ZNF639: variants seen among roughly 807,000 people sequenced by gnomAD.
ZNF639 encodes the protein zinc finger amplified in esophageal squamous cell carcinomas 1.
In ZNF639, 20 loss-of-function variants were observed where a neutral mutation model predicts 39.8. The observed-to-expected ratio is 0.50, with a 90% CI of 0.35 to 0.73. ZNF639 has a LOEUF of 0.73. Ranked by LOEUF, ZNF639 falls within the 30% of genes least tolerant of loss-of-function variation. The pLI, the probability that ZNF639 is intolerant of heterozygous loss-of-function variation, is 0.00. For missense variants in ZNF639, 477 were observed against 566.2 expected, an observed-to-expected ratio of 0.84 and a Z score of 1.60; for synonymous variants, 176 against 189.8, an observed-to-expected ratio of 0.93 and a Z score of 0.60.
In ZNF639 at chr3:179,334,101, T is replaced by C; in HGVS notation, c.1137T>C (p.Cys379=). The C allele has an allele frequency of 6.2e-7, 1 of 1,613,912 alleles. No individual in the cohort carries two copies. The highest frequency in any genetic ancestry group is 1.3e-5 in the African/African-American group (1 of 75,046). The part of the protein sequence containing the change: ...KCKNFFVCQV[C]GFRSRLHTNV... ...AAAACTTCTTTGTATGTCAAGTATG[T>C]GGTTTTCGGAGTAGACTTCACACAA... is the stretch of plus-strand genomic sequence containing the variant. Residue 379 remains cysteine (C), a synonymous_variant, in exon 6 of 6, where the codon TGT becomes TGC. Coordinates refer to ENST00000496856, the MANE Select transcript of ZNF639 (RefSeq NM_001303426.2).
At position 179,334,347 on chromosome 3, in the gene ZNF639, A is replaced by G; in HGVS notation, c.1383A>G (p.Lys461=). The G allele has an allele frequency of 2.5e-6, 4 of 1,609,146 alleles. No homozygotes were observed. The highest frequency in any genetic ancestry group is 3.4e-6 in the Non-Finnish European group (4 of 1,178,186). Residue 461 remains lysine (K), a synonymous_variant, in exon 6 of 6, where the codon AAA becomes AAG. Coordinates refer to ENST00000496856, the MANE Select transcript of ZNF639 (RefSeq NM_001303426.2). Reference sequence around the variant, plus strand: ...AGCATTCAGCTGACTTGCCTCATAAATGTAGTGACTGCTTGATGAGGTTTG... The same window carrying G: ...AGCATTCAGCTGACTTGCCTCATAAGTGTAGTGACTGCTTGATGAGGTTTG... ...DFKHSADLPH[K]CSDCLMRFGN... is the part of the protein sequence containing the mutation.
chr3:179,331,618 A>G lies in ZNF639; in HGVS notation c.170-1371A>G, dbSNP rs1213416269. 3.3e-5 allele frequency among the ~76,000 whole-genome samples: 5 copies of G among 151,996 alleles called. No individual in the cohort carries two copies. In the East Asian group the frequency reaches 9.7e-4, roughly 29 times the overall value. On this transcript the variant is annotated intron_variant, in intron 4 of 5. Transcript: ENST00000496856. ...TGGAGAGACCCTGTCTCTACTAAAA[A>G]TACAAAATTAGCTGGGCGTGGTGGT...
At chr3:179,325,779 G>A (rs1349968639) in intron 1 of ZNF639, among the ~76,000 whole-genome samples, 1 of 152,146 alleles carries the variant, frequency 6.6e-6, no homozygotes, top group Non-Finnish European at 1.5e-5. Flanking sequence ...TACTTGGGAG[G>A]CTGAGGCAGG....
rs1318940300 is a variant in ZNF639 at position 179,333,398 on chromosome 3, A to C, written c.434A>C (p.His145Pro). The change falls in exon 6 of 6, where the codon CAT becomes CCT. Residue 145 changes from histidine to proline, a missense_variant. His to Pro is a moderately conservative substitution (Grantham distance 77). Transcript: ENST00000496856. ...AEDVPIAVEV[H>P]AISEDYDIET... is the part of the protein sequence containing the mutation. Reference sequence around the variant, plus strand: ...GATGTTCCAATTGCTGTAGAAGTGCATGCGATTTCTGAGGATTATGATATA... The same window carrying C: ...GATGTTCCAATTGCTGTAGAAGTGCCTGCGATTTCTGAGGATTATGATATA... The C allele has an allele frequency of 6.2e-7, 1 of 1,614,174 alleles. No homozygotes were observed.
Position 179,338,483 on chromosome 3 carries a change from A to G in ZNF639, c.*4061A>G, listed in dbSNP as rs1711645198. 1 of 152,028 alleles carries G rather than the reference A, an allele frequency of 6.6e-6. No homozygotes were observed. The highest frequency in any genetic ancestry group is 6.6e-5 in the Admixed American group (1 of 15,242). The allele number at this position is 152,028 out of a possible 1,614,324, so 9.4% of individuals were successfully genotyped here. On this transcript the variant is annotated 3_prime_UTR_variant, in exon 6 of 6. Transcript: ENST00000496856. ...TCTCTGAATTGTATATTATTTGTCA[A>G]TTTCACAGTTTCTATAATCTATTGT...
At chr3:179,325,947 C>A (rs965920611) in intron 1 of ZNF639, among the ~76,000 whole-genome samples, 1 of 152,130 alleles carries the variant, frequency 6.6e-6, no homozygotes, top group Non-Finnish European at 1.5e-5. Flanking sequence ...TATATCACTT[C>A]AGTGCTGATA....
chr3:179,333,150 A>T, intron 5 of ZNF639, 27 bp downstream of exon 5: 1 of 1,577,516 alleles, frequency 6.3e-7, no homozygotes, highest in South Asian at 1.2e-5. Context: ...TATAGCATTG[A>T]TATATTTTGT....
At chr3:179,325,204 C>G (rs1727519257) in intron 1 of ZNF639, 1 of 152,266 alleles carries the variant, frequency 6.6e-6, no homozygotes, top group African/African-American at 2.4e-5. Context: ...TATTTTCAGT[C>G]GAGACGGGGT....
chr3:179,323,281 G>C lies in ZNF639; in HGVS notation c.-93G>C. On this transcript the variant is annotated 5_prime_UTR_variant, in exon 1 of 6. Transcript: ENST00000496856. ...CGTGGGCCGGCCGGGAGGGCCTCGG[G>C]GGACTGACTGGTGAGTGTGAGGGAG... is the stretch of plus-strand genomic sequence containing the variant. The C allele has an allele frequency of 1.0e-6, 1 of 985,272 alleles. No homozygotes were observed. Among genetic ancestry groups the C allele is most frequent in the Non-Finnish European group, 1.2e-6 (1 of 829,932 alleles). The allele number at this position is 985,272 out of a possible 1,614,324, so 61.0% of individuals were successfully genotyped here.
chr3:179,328,432 C>T, intron 3 of ZNF639, 81 bp downstream of exon 3: 1 of 962,108 alleles, frequency 1.0e-6, no homozygotes, highest in Non-Finnish European at 1.6e-6. Context: ...CCTAAGTGAT[C>T]AGATAAGACT....
At chr3:179,326,959 G>A (rs564886511) in intron 1 of ZNF639, among the ~76,000 whole-genome samples, 6 of 152,112 alleles carry the variant, frequency 3.9e-5, no homozygotes, top group Non-Finnish European at 8.8e-5. Flanking sequence ...GGAGGCCCAG[G>A]TGGGTGGATC....
chr3:179,323,857 C>A (rs1309783920), intron 1 of ZNF639: 2 of 152,240 alleles, frequency 1.3e-5, no homozygotes, highest in Admixed American at 6.5e-5. Context: ...GCTTAGAAAC[C>A]CCCTTTTTTG....
intron 1 of ZNF639, among the ~76,000 whole-genome samples, chr3:179,325,907 G>GA (rs912846825): frequency 6.6e-6 from 1 of 151,692 alleles, no homozygotes; most frequent in African/African-American, 2.4e-5. Flanking sequence ...AAAATAAACT[G>GA]AAAAAGCACT....
intron 4 of ZNF639, 146 bp from the exon 5 acceptor site, chr3:179,332,843 T>C: frequency 3.5e-6 from 4 of 1,145,172 alleles, no homozygotes; most frequent in South Asian, 3.8e-5. Context: ...GTCTGAGGTA[T>C]ATAGATAACT....
chr3:179,330,881 A>G (rs868827489), intron 4 of ZNF639, among the ~76,000 whole-genome samples: 1 of 152,238 alleles, frequency 6.6e-6, no homozygotes, highest in Non-Finnish European at 1.5e-5. Context: ...AGATGGCTAC[A>G]TACAGAATGC....
Position 179,329,760 on chromosome 3 carries a change from T to A in ZNF639, c.169+32T>A, listed in dbSNP as rs111308107. 1.2e-5 allele frequency: 14 copies of A among 1,190,278 alleles called. 1 individual carries two copies. The African/African-American group carries it at 1.7e-4, about 14-fold the overall frequency. The allele number at this position is 1,190,278 out of a possible 1,614,324, so 73.7% of individuals were successfully genotyped here. A position where few individuals can be genotyped will look rare whatever the true frequency, so the allele number is the denominator to read the frequency against. ...CTAATATTTTCGAAAATATGTTTCTTTAAACTGCTTTTACATTTTTTATTC... is the reference window on the plus strand; with the variant it reads ...CTAATATTTTCGAAAATATGTTTCTATAAACTGCTTTTACATTTTTTATTC... On this transcript the variant is annotated intron_variant, in intron 4 of 5. Coordinates refer to ENST00000496856, the MANE Select transcript of ZNF639 (RefSeq NM_001303426.2).
At chr3:179,330,837 C>T (rs1490109669) in intron 4 of ZNF639, among the ~76,000 whole-genome samples, 3 of 152,180 alleles carry the variant, frequency 2.0e-5, no homozygotes, top group South Asian at 2.1e-4. Flanking sequence ...TTAGAGACAT[C>T]GGTATGAATT....
chr3:179,330,394 C>G (rs954281199), intron 4 of ZNF639, among the ~76,000 whole-genome samples: 9 of 152,090 alleles, frequency 5.9e-5, no homozygotes, highest in African/African-American at 2.2e-4. Flanking sequence ...AGCAATCCTC[C>G]CACTCAGCCT....
intron 3 of ZNF639, among the ~76,000 whole-genome samples, 195 bp downstream of exon 3, chr3:179,328,546 CAG>C (rs1727726193): frequency 6.6e-6 from 1 of 152,144 alleles, no homozygotes; most frequent in African/African-American, 2.4e-5. Context: ...AAGAACTTTA[CAG>C]ACATTATATT....
Sources: gnomAD v4.1 joint callset for allele counts (sites outside exome capture counted in the v4.1 genomes callset) on GRCh38, gnomAD v4.1.1 for gene constraint, MANE v1.5 for transcripts, NCBI Gene and HGNC (gene_info 2026-07-23, HGNC 2026-07-21) for gene names.